KAZN: variants seen among roughly 807,000 people sequenced by gnomAD.
KAZN encodes kazrin, periplakin interacting protein.
A neutral mutation model predicts 87.4 loss-of-function variants in KAZN; 40 were observed. The ratio of observed to expected loss-of-function variants is 0.46; its 90% CI spans 0.36 to 0.60. The LOEUF (loss-of-function observed/expected upper bound fraction) is 0.60. Ranked by LOEUF, KAZN falls within the 20% of genes least tolerant of loss-of-function variation. The pLI is 0.00. For synonymous variants in KAZN, 466 were observed against 458.3 expected (o/e 1.02, Z -0.22); for missense variants, 898 against 1,073.9 (o/e 0.84, Z 2.29).
At chr1:14,967,981 G>C (rs367924436) in intron 2 of KAZN, among the ~76,000 whole-genome samples, 1 of 152,174 alleles carries the variant, frequency 6.6e-6, no homozygotes, top group Non-Finnish European at 1.5e-5. Flanking sequence ...GTTTTTCCAC[G>C]GACCAGGTGT....
chr1:14,232,249 G>C (rs1647930586), intron 2 of KAZN, among the ~76,000 whole-genome samples: 1 of 152,130 alleles, frequency 6.6e-6, no homozygotes, highest in African/African-American at 2.4e-5. Context: ...TTTTGTGGCT[G>C]TGTGTGTGTG....
At chr1:14,967,439 C>T (rs991421704) in intron 2 of KAZN, among the ~76,000 whole-genome samples, 32 of 152,186 alleles carry the variant, frequency 2.1e-4, no homozygotes, top group African/African-American at 7.7e-4. Flanking sequence ...GGGCTCAGGG[C>T]CTGTTTTTGG....
intron 1 of KAZN, among the ~76,000 whole-genome samples, chr1:14,948,567 T>C (rs985596609): frequency 2.6e-5 from 4 of 152,074 alleles, no homozygotes; most frequent in Non-Finnish European, 5.9e-5. Flanking sequence ...GTGTTGACAG[T>C]GGGGGCTCCT....
rs938409133 is a variant in KAZN, at chr1:15,116,314, C to T, written c.*1679C>T. 1.3e-5 allele frequency: 2 copies of T among 152,168 alleles called. No individual in the cohort carries two copies. The highest frequency in any genetic ancestry group is 2.1e-4 in the South Asian group (1 of 4,818). The allele number at this position is 152,168 out of a possible 1,614,324, so 9.4% of individuals were successfully genotyped here. The stretch of plus-strand genomic sequence containing the variant: ...AATTGTTTCCTCTCATGGGGGAAGC[C>T]GAGCTCTGATGAACTTGAGAATTAC... On this transcript the variant is annotated 3_prime_UTR_variant, in exon 15 of 15. Coordinates refer to ENST00000376030, the MANE Select transcript of KAZN (RefSeq NM_201628.3).
intron 1 of KAZN, among the ~76,000 whole-genome samples, chr1:14,863,340 AG>A (rs1203912572): frequency 6.6e-6 from 1 of 152,206 alleles, no homozygotes; most frequent in East Asian, 1.9e-4. Flanking sequence ...CCATCGGGGC[AG>A]CAGACACTCT....
chr1:14,960,471 G>A (rs1373951470), intron 1 of KAZN, among the ~76,000 whole-genome samples: 1 of 152,156 alleles, frequency 6.6e-6, no homozygotes, highest in African/African-American at 2.4e-5. Flanking sequence ...TGGTGGAGGG[G>A]TCTCACTAGG....
chr1:14,531,043 A>G (rs150597640), intron 2 of KAZN, among the ~76,000 whole-genome samples: 1,892 of 152,320 alleles, frequency 0.012, 11 homozygotes, highest in Middle Eastern at 0.024. Flanking sequence ...ACTGCACTCA[A>G]GCCTGGGTGA....
At chr1:14,812,140 T>C (rs1332230821) in intron 1 of KAZN, among the ~76,000 whole-genome samples, 3 of 152,010 alleles carry the variant, frequency 2.0e-5, no homozygotes, top group Non-Finnish European at 4.4e-5. Context: ...CCTCAGAATA[T>C]TGAGGTAGCA....
At chr1:14,992,993 A>ATT (rs35142163) in intron 2 of KAZN, among the ~76,000 whole-genome samples, 29 of 147,454 alleles carry the variant, frequency 2.0e-4, no homozygotes, top group African/African-American at 6.2e-4. Flanking sequence ...TTTTACCACA[A>ATT]TTTTTTTTTT....
At chr1:15,103,507 C>G in intron 12 of KAZN, 47 bp downstream of exon 12, 1 of 1,233,398 alleles carries the variant, frequency 8.1e-7, no homozygotes, top group Non-Finnish European at 1.2e-6. Context: ...CATACACAAA[C>G]CCCATGCAAA....
At chr1:14,271,101 T>C (rs544046398) in intron 2 of KAZN, among the ~76,000 whole-genome samples, 123 of 152,358 alleles carry the variant, frequency 8.1e-4, no homozygotes, top group Non-Finnish European at 9.1e-4. Flanking sequence ...GCTCTCTCCT[T>C]ACTTTGCAAA....
At chr1:14,506,253 G>A (rs1317340301) in intron 2 of KAZN, among the ~76,000 whole-genome samples, 1 of 152,060 alleles carries the variant, frequency 6.6e-6, no homozygotes, top group Non-Finnish European at 1.5e-5. Context: ...TCTTTACTTG[G>A]AAAACTCTTA....
intron 1 of KAZN, among the ~76,000 whole-genome samples, chr1:14,683,954 A>C (rs982361274): frequency 6.6e-6 from 1 of 152,172 alleles, no homozygotes; most frequent in Non-Finnish European, 1.5e-5. Context: ...TTTCTTATGC[A>C]CTGGAGTATT....
intron 1 of KAZN, among the ~76,000 whole-genome samples, chr1:14,167,508 A>C (rs2100239654): frequency 6.6e-6 from 1 of 152,286 alleles, no homozygotes; most frequent in South Asian, 2.1e-4. Flanking sequence ...GGATCACCTG[A>C]GGTCAGGAGT....
chr1:14,549,335 A>G (rs1673359256), intron 2 of KAZN, among the ~76,000 whole-genome samples: 1 of 152,296 alleles, frequency 6.6e-6, no homozygotes, highest in South Asian at 2.1e-4. Flanking sequence ...GTCTCCCTGC[A>G]GCTGGGAGAG....
chr1:14,523,374 G>C (rs1244522333), intron 2 of KAZN, among the ~76,000 whole-genome samples: 1 of 152,080 alleles, frequency 6.6e-6, no homozygotes, highest in African/African-American at 2.4e-5. Flanking sequence ...GCCAGAAAGG[G>C]AGCTGTCCAG....
intron 2 of KAZN, among the ~76,000 whole-genome samples, chr1:15,031,553 GTGTGTTGTGTTGTGTTGTGT>G (rs139569205): frequency 0.02 from 2,861 of 146,384 alleles, 99 homozygotes; most frequent in African/African-American, 0.068. Flanking sequence ...GCTACTCAGG[GTGTGTTGTGTTGTGTTGTGT>G]TGTGTTGTGT....
chr1:14,960,721 A>C lies in KAZN; in HGVS notation c.264A>C (p.Glu88Asp). Reference sequence around the variant, plus strand: ...AAGAAGTGTCGCGGCTCCAGGAGGAAGTTCACCTTCTCCGGCAGATGAAGG... The same window carrying C: ...AAGAAGTGTCGCGGCTCCAGGAGGACGTTCACCTTCTCCGGCAGATGAAGG... ...LREEVSRLQE[E>D]VHLLRQMKEM... The change falls in exon 2 of 15, where the codon GAA becomes GAC. Residue 88 changes from glutamate (E) to aspartate (D), a missense_variant. Around this residue, in one of 3 missense-constraint regions of KAZN, gnomAD observed 250 missense variants for 263.0 expected, o/e 0.95. Coordinates refer to ENST00000376030, the MANE Select transcript of KAZN (RefSeq NM_201628.3). The C allele has an allele frequency of 3.2e-6, 5 of 1,583,538 alleles. No individual in the cohort carries two copies. The highest frequency in any genetic ancestry group is 4.3e-6 in the Non-Finnish European group (5 of 1,163,892).
At chr1:14,952,377 G>C (rs1662601141) in intron 1 of KAZN, among the ~76,000 whole-genome samples, 1 of 151,988 alleles carries the variant, frequency 6.6e-6, no homozygotes, top group Non-Finnish European at 1.5e-5. Flanking sequence ...CCCTTTCACG[G>C]GGGCCTGCTG....
Sources: gnomAD v4.1 joint callset for allele counts (sites outside exome capture counted in the v4.1 genomes callset) on GRCh38, gnomAD v4.1.1 for gene constraint, gnomAD v4.1.1 regional missense constraint, MANE v1.5 for transcripts, NCBI Gene and HGNC (gene_info 2026-07-23, HGNC 2026-07-21) for gene names.